Variants in ALG13 observed in about 807,000 individuals in gnomAD.
ALG13 encodes the protein ALG13 UDP-N-acetylglucosaminyltransferase subunit, also known as UDP-N-acetylglucosamine transferase subunit ALG13.
ALG13 carries 11 observed loss-of-function variants against 87.8 expected under a neutral mutation model. The observed-to-expected ratio is 0.13, with a 90% CI of 0.08 to 0.21. The LOEUF (loss-of-function observed/expected upper bound fraction) is 0.21, where lower values mean the gene tolerates loss of function less well. Among genes scored for constraint, ALG13 ranks in the 10% least tolerant of loss-of-function variants. ALG13 has a pLI of 1.00. For missense variants in ALG13, 756 were observed against 866.1 expected (o/e 0.87, Z 1.60); for synonymous variants, 320 against 306.3 (o/e 1.04, Z -0.47).
intron 18 of ALG13, 146 bp from the exon 19 acceptor site, chrX:111,728,039 T>C: frequency 1.2e-6 from 1 of 800,221 alleles, no homozygotes; most frequent in Non-Finnish European, 1.8e-6. Context: ...CTAAACTGCA[T>C]GGAAAACATT....
At chrX:111,705,114 G>A (rs1938505529) in intron 3 of ALG13, among the ~76,000 whole-genome samples, 1 of 111,316 alleles carries the variant, frequency 9.0e-6, no homozygotes, top group African/African-American at 3.3e-5. Flanking sequence ...CATCTTCTTA[G>A]GACCAGTTTC....
intron 12 of ALG13, among the ~76,000 whole-genome samples, chrX:111,722,041 G>A (rs1279181667): frequency 8.9e-6 from 1 of 111,732 alleles, no homozygotes; most frequent in Non-Finnish European, 1.9e-5. Context: ...AAATGAGTAG[G>A]TTAGGCCTGT....
intron 22 of ALG13, 140 bp from the exon 23 acceptor site, chrX:111,736,574 C>A: frequency 2.0e-6 from 1 of 505,970 alleles, no homozygotes; most frequent in Non-Finnish European, 3.2e-6. Context: ...AATAACCTTC[C>A]TATATAAGGT....
Position 111,735,009 on chromosome X carries a change from GTGT to G in ALG13, c.2458-37_2458-35del, listed in dbSNP as rs773814947. The G allele has an allele frequency of 7.0e-6, 6 of 855,356 alleles. No homozygotes were observed. The African/African-American group carries it at 1.0e-4, about 14-fold the overall frequency. 70.5% of individuals were successfully genotyped at this position (855,356 alleles called of 1,213,427 possible). A position where few individuals can be genotyped will look rare whatever the true frequency, so the allele number is the denominator to read the frequency against. On this transcript the variant is annotated intron_variant, in intron 21 of 26. Transcript: ENST00000394780. ...AATATGTTGAAACAAAGTTATTGATGTGTTGTTTGTTTTTTTATTTAACTATAT... is the reference window on the plus strand; with the variant it reads ...AATATGTTGAAACAAAGTTATTGATGTGTTTGTTTTTTTATTTAACTATAT...
At chrX:111,743,106 G>T (rs1044350374) in intron 23 of ALG13, among the ~76,000 whole-genome samples, 2 of 111,613 alleles carry the variant, frequency 1.8e-5, no homozygotes, top group African/African-American at 6.5e-5. Context: ...TTTCAGGCCC[G>T]TGAGAATGTA....
chrX:111,751,184 T>C (rs964936196), intron 24 of ALG13, among the ~76,000 whole-genome samples: 1 of 105,549 alleles, frequency 9.5e-6, no homozygotes, highest in African/African-American at 3.5e-5. Flanking sequence ...TTCTCCTGCC[T>C]CAGCCTCCCG....
chrX:111,758,198 A>G (rs980848268), intron 26 of ALG13, among the ~76,000 whole-genome samples: 1 of 112,041 alleles, frequency 8.9e-6, no homozygotes, highest in Non-Finnish European at 1.9e-5. Flanking sequence ...CTTTGTGACA[A>G]AAATGGAACT....
intron 21 of ALG13, among the ~76,000 whole-genome samples, chrX:111,734,144 T>C (rs1943004476): frequency 8.9e-6 from 1 of 112,659 alleles, no homozygotes; most frequent in Non-Finnish European, 1.9e-5. Flanking sequence ...CTTTTTGCTG[T>C]GCAGAAGCTT....
intron 19 of ALG13, among the ~76,000 whole-genome samples, chrX:111,728,989 C>T (rs1416446439): frequency 9.0e-6 from 1 of 111,205 alleles, no homozygotes; most frequent in African/African-American, 3.3e-5. Flanking sequence ...TTAAAGAATA[C>T]AATTCAATGG....
chrX:111,741,797 C>T (rs1285580455), intron 23 of ALG13, among the ~76,000 whole-genome samples: 1 of 101,180 alleles, frequency 9.9e-6, no homozygotes, highest in South Asian at 4.3e-4. Flanking sequence ...TGGGCAAGAG[C>T]GAGACTTTGT....
chrX:111,684,095 C>T (rs1479008807), intron 2 of ALG13, among the ~76,000 whole-genome samples: 1 of 111,814 alleles, frequency 8.9e-6, no homozygotes, highest in East Asian at 2.8e-4. Flanking sequence ...AACCGCTCTT[C>T]GAGTACCCAT....
At chrX:111,707,484 A>G (rs923532649) in intron 3 of ALG13, among the ~76,000 whole-genome samples, 1 of 111,933 alleles carries the variant, frequency 8.9e-6, no homozygotes, top group Admixed American at 9.5e-5. Context: ...CTTCAACCCT[A>G]TATCTGAAAT....
At position 111,730,315 on chromosome X, in the gene ALG13, G is replaced by A. The variant is rs189730628; in HGVS notation, c.2369-80G>A. The A allele has an allele frequency of 1.2e-5, 11 of 900,240 alleles. 1 individual carries two copies. Among genetic ancestry groups the A allele is most frequent in the Admixed American group, 1.0e-4 (4 of 39,177 alleles). 74.2% of individuals were successfully genotyped at this position (900,240 alleles called of 1,213,427 possible). A position where few individuals can be genotyped will look rare whatever the true frequency, so the allele number is the denominator to read the frequency against. On this transcript the variant is annotated intron_variant, in intron 19 of 26. Coordinates refer to ENST00000394780, the MANE Select transcript of ALG13 (RefSeq NM_001099922.3). ...TATAACCATAAAACTGGTGGAAAAA[G>A]CAAGTGCTGGCCATTTGGCTCTGCT... is the stretch of plus-strand genomic sequence containing the variant.
intron 2 of ALG13, among the ~76,000 whole-genome samples, chrX:111,683,823 G>A (rs1420847515): frequency 8.9e-6 from 1 of 111,883 alleles, no homozygotes. Context: ...TTCTGGGATA[G>A]CACCTCACAT....
intron 3 of ALG13, chrX:111,689,749 C>T (rs1935802196): frequency 1.4e-6 from 1 of 730,810 alleles, no homozygotes; most frequent in Admixed American, 8.8e-5. Flanking sequence ...CTCCTTGATT[C>T]CCAGTCCCCT....
chrX:111,744,725 T>G lies in ALG13; in HGVS notation c.2753T>G (p.Leu918Arg). 1 of 1,101,486 alleles carries G rather than the reference T, an allele frequency of 9.1e-7. No individual in the cohort carries two copies. Among genetic ancestry groups the G allele is most frequent in the Non-Finnish European group, 1.2e-6 (1 of 839,867 alleles). 90.8% of individuals were successfully genotyped at this position (1,101,486 alleles called of 1,213,427 possible). Residue 918 changes from leucine (L) to arginine (R), a missense_variant, in exon 24 of 27, where the codon CTA becomes CGA. This residue lies in a region of ALG13 where 362 missense variants were observed against 383.5 expected (regional missense o/e 0.94). Coordinates refer to ENST00000394780, the MANE Select transcript of ALG13 (RefSeq NM_001099922.3). ...GCTATTCCTCATGCTGGTGCCTCTC[T>G]ACCACCACCACCACCACCACCACCA... ...HSAIPHAGASLPPPPPPPPPP... is the reference protein window; with the variant it reads ...HSAIPHAGASRPPPPPPPPPP...
At chrX:111,749,387 C>G (rs749044998) in intron 24 of ALG13, among the ~76,000 whole-genome samples, 1 of 109,713 alleles carries the variant, frequency 9.1e-6, no homozygotes, top group Non-Finnish European at 1.9e-5. Flanking sequence ...TCTGTGCCCT[C>G]TTTTGTTGCA....
At chrX:111,744,577 A>G in intron 23 of ALG13, 91 bp from the exon 24 acceptor site, 3 of 978,564 alleles carry the variant, frequency 3.1e-6, no homozygotes, top group Non-Finnish European at 4.2e-6. Context: ...GAGTTCTTTG[A>G]CCATACTGGA....
intron 10 of ALG13, 130 bp downstream of exon 10, chrX:111,718,404 A>G (rs1174149627): frequency 1.9e-6 from 1 of 529,978 alleles, no homozygotes; most frequent in African/African-American, 2.4e-5. Context: ...ATGTTAGGAT[A>G]TATATTTTTA....
Sources: gnomAD v4.1 joint callset for allele counts (sites outside exome capture counted in the v4.1 genomes callset) on GRCh38, gnomAD v4.1.1 for gene constraint, gnomAD v4.1.1 regional missense constraint, MANE v1.5 for transcripts, NCBI Gene and HGNC (gene_info 2026-07-23, HGNC 2026-07-21) for gene names.